Variants in NUP188 observed in about 807,000 individuals in gnomAD.
NUP188 encodes the protein nucleoporin NUP188.
A neutral mutation model predicts 223.0 loss-of-function variants in NUP188; 97 were observed. The ratio of observed to expected loss-of-function variants is 0.43; its 90% CI spans 0.37 to 0.51. NUP188 has a LOEUF of 0.51. Among genes scored for constraint, NUP188 ranks in the 20% least tolerant of loss-of-function variants. The pLI, the probability that NUP188 is intolerant of heterozygous loss-of-function variation, is 0.00. For missense variants in NUP188, 1,947 were observed against 2,175.6 expected (o/e 0.89, Z 2.09); for synonymous variants, 869 against 828.0 (o/e 1.05, Z -0.85).
chr9:128,949,701 T>G (rs1229352016), intron 2 of NUP188, among the ~76,000 whole-genome samples: 1 of 151,828 alleles, frequency 6.6e-6, no homozygotes, highest in Non-Finnish European at 1.5e-5. Flanking sequence ...TGATCCCAGC[T>G]CACTGCAACC....
Position 128,983,026 on chromosome 9 carries a change from G to C in NUP188, c.1794G>C (p.Gln598His). ...CATCTCGCATCTACATGCTGCTGCA[G>C]CGGTGAGTCTGTCTTGGCTGACCCT... ...PITSRIYMLLQRLTTVISPPV... is the reference protein window; with the variant it reads ...PITSRIYMLLHRLTTVISPPV... The change falls in exon 17 of 44, where the codon CAG becomes CAC. Residue 598 changes from glutamine (Q) to histidine (H), a missense_variant and splice_region_variant. Physicochemically the swap from Gln to His is conservative, Grantham distance 24. Around this residue, in one of 3 missense-constraint regions of NUP188, gnomAD observed 817 missense variants for 865.8 expected, o/e 0.94. Coordinates refer to ENST00000372577, the MANE Select transcript of NUP188 (RefSeq NM_015354.3). 6.2e-7 allele frequency: 1 copy of C among 1,614,042 alleles called. No individual in the cohort carries two copies. Among genetic ancestry groups the C allele is most frequent in the Non-Finnish European group, 8.5e-7 (1 of 1,180,010 alleles).
intron 13 of NUP188, 108 bp from the exon 14 acceptor site, chr9:128,980,498 C>G: frequency 8.6e-7 from 1 of 1,160,606 alleles, no homozygotes; most frequent in Non-Finnish European, 1.2e-6. Context: ...TGATATCTGT[C>G]TAAAAGGAAG....
At chr9:129,005,913 G>A in intron 41 of NUP188, 137 bp downstream of exon 41, 3 of 1,399,722 alleles carry the variant, frequency 2.1e-6, no homozygotes, top group Non-Finnish European at 3.0e-6. Context: ...GAACATGACA[G>A]CACCTCTGAG....
intron 8 of NUP188, among the ~76,000 whole-genome samples, chr9:128,966,153 G>A (rs1285062356): frequency 2.0e-5 from 3 of 151,040 alleles, no homozygotes; most frequent in Non-Finnish European, 4.4e-5. Flanking sequence ...GTGTGTGTGT[G>A]TGTGTGTGTG....
intron 19 of NUP188, among the ~76,000 whole-genome samples, chr9:128,983,978 G>A (rs867471934): frequency 5.9e-5 from 9 of 151,802 alleles, no homozygotes; most frequent in East Asian, 1.9e-4. Flanking sequence ...GCGGCACCAC[G>A]CCCGGCTAAT....
chr9:128,982,645 G>T lies in NUP188; in HGVS notation c.1613G>T (p.Ser538Ile). The change falls in exon 16 of 44, where the codon AGC (serine) becomes ATC (isoleucine). Residue 538 changes from serine (S) to isoleucine (I), a missense_variant. Ser to Ile is a moderately radical substitution (Grantham distance 142). Transcript: ENST00000372577. Reference protein sequence around the residue: ...YLVRWEYSYSSWTLFTCEIEM... With the variant: ...YLVRWEYSYSIWTLFTCEIEM... ...GTACGCTGGGAATACTCCTATAGCA[G>T]CTGGACCCTCTTTACCTGCGAGATT... is the stretch of plus-strand genomic sequence containing the variant. 6.2e-7 allele frequency: 1 copy of T among 1,614,118 alleles called. No individual in the cohort carries two copies. The highest frequency in any genetic ancestry group is 8.5e-7 in the Non-Finnish European group (1 of 1,180,004).
rs1161942776 is a variant in NUP188, at chr9:128,970,847, C to G, written c.1002C>G (p.Asn334Lys). 4 of 1,613,994 alleles carry G rather than the reference C, an allele frequency of 2.5e-6. No individual in the cohort carries two copies. Among genetic ancestry groups the G allele is most frequent in the Non-Finnish European group, 3.4e-6 (4 of 1,180,006 alleles). ...GGGCTCTCCTCCGTCACACTCTGAACCCAGAAGAGACAAGCAGTGTGGTCC... is the reference window on the plus strand; with the variant it reads ...GGGCTCTCCTCCGTCACACTCTGAAGCCAGAAGAGACAAGCAGTGTGGTCC... Reference protein sequence around the residue: ...LAWALLRHTLNPEETSSVVRK... With the variant: ...LAWALLRHTLKPEETSSVVRK... Residue 334 changes from asparagine to lysine, a missense_variant, in exon 11 of 44, where the codon AAC (asparagine) becomes AAG (lysine). This residue lies in a region of NUP188 where 817 missense variants were observed against 865.8 expected (regional missense o/e 0.94). Coordinates refer to ENST00000372577, the MANE Select transcript of NUP188 (RefSeq NM_015354.3).
intron 12 of NUP188, among the ~76,000 whole-genome samples, chr9:128,974,687 T>C (rs1564556597): frequency 2.0e-5 from 3 of 152,090 alleles, no homozygotes; most frequent in Non-Finnish European, 2.9e-5. Flanking sequence ...AAATGTCAGA[T>C]ACTATTTAAC....
In NUP188 at chr9:128,952,498, A is replaced by T. The variant is rs1387177486; in HGVS notation, c.88-275A>T. On this transcript the variant is annotated intron_variant, in intron 2 of 43. Coordinates refer to ENST00000372577, the MANE Select transcript of NUP188 (RefSeq NM_015354.3). ...AGCACTTTGGGAGGCCAAGGCAGGC[A>T]GATCACTTGAGGTGGGGAGTTCGAG... 4.6e-5 allele frequency among the ~76,000 whole-genome samples: 7 copies of T among 152,218 alleles called. No homozygotes were observed. In the South Asian group the frequency reaches 1.2e-3, roughly 27 times the overall value.
intron 20 of NUP188, among the ~76,000 whole-genome samples, chr9:128,985,806 G>A (rs1024906841): frequency 2.6e-5 from 4 of 152,108 alleles, no homozygotes; most frequent in Non-Finnish European, 5.9e-5. Flanking sequence ...AGGCCGAGGC[G>A]GATGGATCAC....
At chr9:128,977,589 CACCTGAGG>C (rs964878231) in intron 12 of NUP188, among the ~76,000 whole-genome samples, 9 of 152,084 alleles carry the variant, frequency 5.9e-5, no homozygotes, top group Non-Finnish European at 1.3e-4. Context: ...GCAGGCGGGC[CACCTGAGG>C]TCAGGAGTTT....
At chr9:128,985,137 T>C (rs1842316233) in intron 20 of NUP188, 123 bp downstream of exon 20, 1 of 674,158 alleles carries the variant, frequency 1.5e-6, no homozygotes, top group Admixed American at 3.0e-5. Flanking sequence ...AGAATAGTCA[T>C]CTTGAAGTTA....
chr9:128,951,306 C>CAAAA (rs34863865), intron 2 of NUP188, among the ~76,000 whole-genome samples: 1 of 86,246 alleles, frequency 1.2e-5, no homozygotes, highest in African/African-American at 4.4e-5. Flanking sequence ...GACTCCATCT[C>CAAAA]AAAAAAAAAA....
Position 129,006,856 on chromosome 9 carries a change from G to A in NUP188, c.*178G>A, listed in dbSNP as rs1588300613. ...ACGTTATTTTTATACTAGATGAAGA[G>A]GTCAACAGCAGGCATGGGGAGCCGA... On this transcript the variant is annotated 3_prime_UTR_variant, in exon 44 of 44. Coordinates refer to ENST00000372577, the MANE Select transcript of NUP188 (RefSeq NM_015354.3). The A allele has an allele frequency of 3.4e-6, 2 of 581,922 alleles. No homozygotes were observed. Among genetic ancestry groups the A allele is most frequent in the East Asian group, 3.1e-5 (1 of 32,174 alleles). The allele number at this position is 581,922 out of a possible 1,614,324, so 36.0% of individuals were successfully genotyped here.
At chr9:128,979,980 C>T (rs544627118) in intron 13 of NUP188, among the ~76,000 whole-genome samples, 5 of 152,238 alleles carry the variant, frequency 3.3e-5, no homozygotes, top group Admixed American at 1.3e-4. Flanking sequence ...GTTTTAGACA[C>T]CAGTGTTCCT....
At position 128,980,880 on chromosome 9, in the gene NUP188, A is replaced by G. The variant is rs376561038; in HGVS notation, c.1389+155A>G. Among the ~76,000 whole-genome samples, 95 of 152,360 alleles carry G rather than the reference A, an allele frequency of 6.2e-4. 1 individual carries two copies. The South Asian group carries it at 0.02, about 32-fold the overall frequency. On this transcript the variant is annotated intron_variant, in intron 14 of 43. Transcript: ENST00000372577. ...ATACCAAAGATAGCACCTCAATTCTAAAAAATTAAATAATCTTTTCATTAA... is the reference window on the plus strand; with the variant it reads ...ATACCAAAGATAGCACCTCAATTCTGAAAAATTAAATAATCTTTTCATTAA...
chr9:128,998,431 C>A, intron 31 of NUP188, 107 bp from the exon 32 acceptor site: 2 of 1,103,944 alleles, frequency 1.8e-6, no homozygotes, highest in South Asian at 1.3e-5. Context: ...CCACTCCACT[C>A]CTGTGAGCTC....
chr9:129,000,753 T>C (rs1219600693), intron 34 of NUP188, among the ~76,000 whole-genome samples: 6 of 151,584 alleles, frequency 4.0e-5, no homozygotes, highest in Non-Finnish European at 7.4e-5. Flanking sequence ...AAAAAGTCTT[T>C]ATGGGCCGGG....
Position 128,970,850 on chromosome 9 carries a change from A to C in NUP188, c.1005A>C (p.Pro335=), listed in dbSNP as rs1052429762. The part of the protein sequence containing the change: ...AWALLRHTLN[P]EETSSVVRKI... The stretch of plus-strand genomic sequence containing the variant: ...CTCTCCTCCGTCACACTCTGAACCC[A>C]GAAGAGACAAGCAGTGTGGTCCGGA... Residue 335 remains proline, a synonymous_variant, in exon 11 of 44, where the codon CCA becomes CCC. Coordinates refer to ENST00000372577, the MANE Select transcript of NUP188 (RefSeq NM_015354.3). 6.2e-7 allele frequency: 1 copy of C among 1,614,164 alleles called. No homozygotes were observed. Among genetic ancestry groups the C allele is most frequent in the Admixed American group, 1.7e-5 (1 of 60,018 alleles).
Sources: gnomAD v4.1 joint callset for allele counts (sites outside exome capture counted in the v4.1 genomes callset) on GRCh38, gnomAD v4.1.1 for gene constraint, gnomAD v4.1.1 regional missense constraint, MANE v1.5 for transcripts, NCBI Gene and HGNC (gene_info 2026-07-23, HGNC 2026-07-21) for gene names.